Variants in ZFR observed in about 807,000 individuals in gnomAD.
ZFR encodes zinc finger RNA-binding protein.
A neutral mutation model predicts 130.7 loss-of-function variants in ZFR; 19 were observed. The ratio of observed to expected loss-of-function variants is 0.15; its 90% CI spans 0.10 to 0.21. ZFR has a LOEUF of 0.21. Ranked by LOEUF, ZFR falls within the 10% of genes least tolerant of loss-of-function variation. The pLI, the probability that ZFR is intolerant of heterozygous loss-of-function variation, is 1.00. For missense variants in ZFR, 872 were observed against 1,321.5 expected (o/e 0.66, Z 5.27); for synonymous variants, 466 against 456.9 (o/e 1.02, Z -0.25).
rs1032788491 is a variant in ZFR, at chr5:32,404,024, C to G, written c.1106G>C (p.Ser369Thr). The G allele has an allele frequency of 1.2e-6, 2 of 1,614,006 alleles. No homozygotes were observed. Among genetic ancestry groups the G allele is most frequent in the Non-Finnish European group, 1.7e-6 (2 of 1,179,938 alleles). ...CCCACGAGTAGAACTGTTGCTGCTG[C>G]TGGTATTTTGTGAGGCTTTCAATGC... ...EAALKASQNTSSSNSSTRGTQ... is the reference protein window; with the variant it reads ...EAALKASQNTTSSNSSTRGTQ... Residue 369 changes from serine (S) to threonine (T), a missense_variant, in exon 7 of 20, where the codon AGC becomes ACC. Physicochemically the swap from Ser to Thr is moderately conservative, Grantham distance 58 (BLOSUM62 1). Coordinates refer to ENST00000265069, the MANE Select transcript of ZFR (RefSeq NM_016107.5).
At chr5:32,409,317 T>A (rs1319129215) in intron 5 of ZFR, among the ~76,000 whole-genome samples, 2 of 152,208 alleles carry the variant, frequency 1.3e-5, no homozygotes, top group African/African-American at 4.8e-5. Context: ...TTAAATACAT[T>A]AAATTATCTC....
At position 32,398,050 on chromosome 5, in the gene ZFR, G is replaced by A. The variant is rs562551920; in HGVS notation, c.1714-712C>T. On this transcript the variant is annotated intron_variant, in intron 9 of 19. Transcript: ENST00000265069. ...TTTTGTATTTTTAGTAGAGATGGGG[G>A]TTTCACCGTGTTAGCCAGGATGGTC... 7.2e-4 allele frequency among the ~76,000 whole-genome samples: 108 copies of A among 150,014 alleles called. 3 individuals are homozygous for A. The highest frequency in any genetic ancestry group is 2.2e-4 in the Non-Finnish European group (15 of 67,510).
chr5:32,428,948 G>A (rs1387987066), intron 2 of ZFR, among the ~76,000 whole-genome samples: 1 of 148,496 alleles, frequency 6.7e-6, no homozygotes, highest in Non-Finnish European at 1.5e-5. Context: ...ACCACAGTAG[G>A]TGAATTAGAA....
chr5:32,417,511 T>A (rs765146998), intron 4 of ZFR, 137 bp downstream of exon 4: 1 of 978,042 alleles, frequency 1.0e-6, no homozygotes, highest in Non-Finnish European at 1.5e-6. Context: ...AGGCATTTAG[T>A]AGGACAGGTC....
At position 32,433,358 on chromosome 5, in the gene ZFR, T is replaced by C. The variant is rs565099302; in HGVS notation, c.137+10871A>G. Among the ~76,000 whole-genome samples, 6 of 152,346 alleles carry C rather than the reference T, an allele frequency of 3.9e-5. No homozygotes were observed. The South Asian group carries it at 1.2e-3, about 32-fold the overall frequency. On this transcript the variant is annotated intron_variant, in intron 2 of 19. Coordinates refer to ENST00000265069, the MANE Select transcript of ZFR (RefSeq NM_016107.5). ...ATAGTAAACCCGAATTTTTATTCCA[T>C]ATTGCCCTGACTTCAAAGGTATATG... is the stretch of plus-strand genomic sequence containing the variant.
At chr5:32,378,717 A>G (rs986490332) in intron 17 of ZFR, among the ~76,000 whole-genome samples, 1 of 152,086 alleles carries the variant, frequency 6.6e-6, no homozygotes, top group African/African-American at 2.4e-5. Context: ...TTATTTTTGA[A>G]TAATATGTAT....
chr5:32,387,778 G>A (rs1646725488), intron 13 of ZFR, 79 bp from the exon 14 acceptor site: 115 of 1,347,674 alleles, frequency 8.5e-5, no homozygotes, highest in Non-Finnish European at 1.1e-4. Flanking sequence ...ACAATAGTAA[G>A]TGAAATAACT....
chr5:32,406,189 G>A (rs1312953092), intron 6 of ZFR, among the ~76,000 whole-genome samples: 20 of 152,072 alleles, frequency 1.3e-4, no homozygotes, highest in African/African-American at 7.2e-5. Context: ...ATACAATACC[G>A]AAAAAGGAAT....
At chr5:32,397,724 G>A (rs551128562) in intron 9 of ZFR, among the ~76,000 whole-genome samples, 27 of 152,126 alleles carry the variant, frequency 1.8e-4, no homozygotes, top group African/African-American at 6.0e-4. Flanking sequence ...CAAAGTGCTG[G>A]GATTACAGGC....
chr5:32,376,087 C>G (rs1159591597), intron 17 of ZFR, among the ~76,000 whole-genome samples: 1 of 151,732 alleles, frequency 6.6e-6, no homozygotes, highest in African/African-American at 2.4e-5. Context: ...TGTGATCCAC[C>G]CGCCTCGGCC....
chr5:32,368,243 TTC>T (rs904733960), intron 17 of ZFR, among the ~76,000 whole-genome samples: 16 of 1,464 alleles, frequency 0.011, no homozygotes, highest in East Asian at 0.097. Flanking sequence ...CAAAACTTTT[TTC>T]CCCCCCCAAC....
intron 2 of ZFR, among the ~76,000 whole-genome samples, chr5:32,438,253 ATT>A (rs869249272): frequency 3.3e-5 from 2 of 61,078 alleles, no homozygotes; most frequent in South Asian, 1.2e-3. Context: ...TTATCTGAAA[ATT>A]TTTTTTTTTT....
intron 11 of ZFR, among the ~76,000 whole-genome samples, chr5:32,393,589 A>AC (rs1172222105): frequency 6.6e-6 from 1 of 152,144 alleles, no homozygotes; most frequent in Non-Finnish European, 1.5e-5. Flanking sequence ...TGATCCACCC[A>AC]CCTCAGCCTC....
At chr5:32,427,422 G>C (rs1325631522) in intron 2 of ZFR, among the ~76,000 whole-genome samples, 2 of 142,476 alleles carry the variant, frequency 1.4e-5, no homozygotes, top group African/African-American at 5.3e-5. Context: ...ACAACCTTAC[G>C]AATAAACCTA....
At chr5:32,361,168 G>C (rs1752422459) in intron 19 of ZFR, among the ~76,000 whole-genome samples, 1 of 152,166 alleles carries the variant, frequency 6.6e-6, no homozygotes, top group Non-Finnish European at 1.5e-5. Context: ...TCCCTGCTCT[G>C]ATTTTGAGAT....
chr5:32,365,077 T>C (rs1469163579), intron 17 of ZFR: 1 of 152,212 alleles, frequency 6.6e-6, no homozygotes, highest in African/African-American at 2.4e-5. Context: ...GGACGTTTTA[T>C]ACAAATGGAA....
intron 2 of ZFR, among the ~76,000 whole-genome samples, chr5:32,427,635 T>C (rs966813271): frequency 6.6e-6 from 1 of 152,006 alleles, no homozygotes; most frequent in African/African-American, 2.4e-5. Flanking sequence ...AGAAAAGAAA[T>C]CTATCCTAAA....
At chr5:32,435,783 TTTTCA>T (rs1754318778) in intron 2 of ZFR, among the ~76,000 whole-genome samples, 1 of 152,206 alleles carries the variant, frequency 6.6e-6, no homozygotes. Context: ...AAAAAATTTA[TTTTCA>T]TTTGATTGAT....
intron 10 of ZFR, among the ~76,000 whole-genome samples, chr5:32,395,689 T>A (rs1340978077): frequency 6.6e-6 from 1 of 152,172 alleles, no homozygotes; most frequent in Non-Finnish European, 1.5e-5. Flanking sequence ...CTCCTCTTCT[T>A]CCTCAGCCTA....
Sources: allele counts gnomAD v4.1 joint callset (sites outside exome capture counted in the v4.1 genomes callset), GRCh38; gene constraint gnomAD v4.1.1; transcripts MANE v1.5; gene names NCBI Gene and HGNC (gene_info 2026-07-23, HGNC 2026-07-21).